IL1RAPL1: variants seen among roughly 807,000 people sequenced by gnomAD.
IL1RAPL1 encodes the protein interleukin-1 receptor accessory protein-like 1.
Under a neutral mutation model 48.4 loss-of-function variants are expected in IL1RAPL1, and 3 were observed. That is an observed-to-expected ratio of 0.06 (90% CI 0.03 to 0.16). The LOEUF is 0.16. Ranked by LOEUF, IL1RAPL1 falls within the 10% of genes least tolerant of loss-of-function variation. The pLI is 1.00. For missense variants in IL1RAPL1, 349 were observed against 530.6 expected, an observed-to-expected ratio of 0.66 and a Z score of 3.36; for synonymous variants, 185 against 187.7, an observed-to-expected ratio of 0.99 and a Z score of 0.12.
intron 3 of IL1RAPL1, among the ~76,000 whole-genome samples, chrX:29,374,505 A>T (rs1010571640): frequency 3.7e-5 from 4 of 109,442 alleles, no homozygotes; most frequent in Non-Finnish European, 7.6e-5. Context: ...GAAGCTGCAG[A>T]GTCTTAATCT....
chrX:29,645,042 C>T (rs1160811111), intron 5 of IL1RAPL1, among the ~76,000 whole-genome samples: 1 of 112,667 alleles, frequency 8.9e-6, no homozygotes, highest in African/African-American at 3.2e-5. Context: ...TATAACTAGA[C>T]AAAAAGAGAA....
chrX:29,248,798 A>G (rs1302301845), intron 2 of IL1RAPL1, among the ~76,000 whole-genome samples: 3 of 112,079 alleles, frequency 2.7e-5, no homozygotes, highest in African/African-American at 9.7e-5. Flanking sequence ...TCTCAAATGT[A>G]TCTTGCAAAT....
chrX:29,884,589 A>G (rs905071249), intron 6 of IL1RAPL1, among the ~76,000 whole-genome samples: 5 of 110,845 alleles, frequency 4.5e-5, no homozygotes, highest in Non-Finnish European at 9.4e-5. Context: ...AGCTCATCCT[A>G]TCTATATGCC....
At chrX:29,032,499 G>C (rs779955197) in intron 2 of IL1RAPL1, among the ~76,000 whole-genome samples, 6 of 110,938 alleles carry the variant, frequency 5.4e-5, no homozygotes, top group Non-Finnish European at 7.6e-5. Context: ...CACCTATTTT[G>C]CCCAGGTCAT....
At chrX:29,379,129 C>T (rs1414298136) in intron 3 of IL1RAPL1, among the ~76,000 whole-genome samples, 1 of 112,457 alleles carries the variant, frequency 8.9e-6, no homozygotes, top group Non-Finnish European at 1.9e-5. Flanking sequence ...ATCCTCTAGA[C>T]GTTCAGGGTT....
At chrX:29,317,101 G>C (rs192827343) in intron 3 of IL1RAPL1, among the ~76,000 whole-genome samples, 277 of 111,431 alleles carry the variant, frequency 2.5e-3, no homozygotes, top group African/African-American at 8.5e-3. Flanking sequence ...CAGGATCAAT[G>C]ATTATGTTTC....
At chrX:29,707,259 A>G (rs1927222368) in intron 6 of IL1RAPL1, among the ~76,000 whole-genome samples, 1 of 111,365 alleles carries the variant, frequency 9.0e-6, no homozygotes, top group East Asian at 2.8e-4. Flanking sequence ...TCCTGCAGGA[A>G]TGTTCATAAA....
At position 28,681,788 on chromosome X, in the gene IL1RAPL1, A is replaced by G. The variant is rs779191822; in HGVS notation, c.-25+93741A>G. Among the ~76,000 whole-genome samples, 4 of 112,224 alleles carry G rather than the reference A, an allele frequency of 3.6e-5. No individual in the cohort carries two copies. The East Asian group carries it at 8.4e-4, about 24-fold the overall frequency. ...AAGGTGAATACCTTAAATGTATACA[A>G]TTTGTTTTTGTCGAGTATCCCTCAA... On this transcript the variant is annotated intron_variant, in intron 1 of 10. Coordinates refer to ENST00000378993, the MANE Select transcript of IL1RAPL1 (RefSeq NM_014271.4).
intron 6 of IL1RAPL1, among the ~76,000 whole-genome samples, chrX:29,872,576 G>C (rs1445764345): frequency 8.9e-6 from 1 of 112,128 alleles, no homozygotes; most frequent in African/African-American, 3.2e-5. Context: ...GCCCAAGGGA[G>C]TTTCCAACAA....
At position 29,558,393 on chromosome X, in the gene IL1RAPL1, T is replaced by A. The variant is rs1922076201; in HGVS notation, c.704-110037T>A. On this transcript the variant is annotated intron_variant, in intron 5 of 10. Transcript: ENST00000378993. Reference sequence around the variant, plus strand: ...TTTAAGTAGGCTTATTTGTTGTTGTTGTTTGCTATTGAGTTGTTTGAGTTC... The same window carrying A: ...TTTAAGTAGGCTTATTTGTTGTTGTAGTTTGCTATTGAGTTGTTTGAGTTC... Among the ~76,000 whole-genome samples the A allele has an allele frequency of 2.7e-5, 3 of 112,102 alleles. No individual in the cohort carries two copies. In the Admixed American group the frequency reaches 2.8e-4, roughly 11 times the overall value.
At chrX:29,714,934 A>C (rs962461337) in intron 6 of IL1RAPL1, among the ~76,000 whole-genome samples, 10 of 111,614 alleles carry the variant, frequency 9.0e-5, no homozygotes, top group Non-Finnish European at 1.7e-4. Flanking sequence ...CATAATCTTC[A>C]ATCTTTCTGT....
chrX:29,884,248 A>C (rs924057585), intron 6 of IL1RAPL1, among the ~76,000 whole-genome samples: 3 of 111,711 alleles, frequency 2.7e-5, no homozygotes, highest in African/African-American at 9.8e-5. Flanking sequence ...GTGATGTATA[A>C]CATGTATCAT....
intron 1 of IL1RAPL1, among the ~76,000 whole-genome samples, chrX:28,609,358 T>C (rs1170950982): frequency 1.8e-5 from 2 of 111,195 alleles, no homozygotes; most frequent in African/African-American, 6.5e-5. Context: ...GTTATTATCA[T>C]TGGTGTTGTT....
At chrX:29,729,742 C>G (rs772879141) in intron 6 of IL1RAPL1, among the ~76,000 whole-genome samples, 110 of 111,180 alleles carry the variant, frequency 9.9e-4, no homozygotes, top group Non-Finnish European at 1.9e-3. Context: ...AACACAGTGA[C>G]TGTATTAATT....
At chrX:28,605,987 T>C (rs1420751117) in intron 1 of IL1RAPL1, among the ~76,000 whole-genome samples, 1 of 111,050 alleles carries the variant, frequency 9.0e-6, no homozygotes, top group Non-Finnish European at 1.9e-5. Context: ...GACCACACCC[T>C]CTAAAATTTC....
intron 1 of IL1RAPL1, among the ~76,000 whole-genome samples, chrX:28,704,815 C>A (rs1935348371): frequency 2.0e-5 from 1 of 48,821 alleles, no homozygotes; most frequent in Non-Finnish European, 3.5e-5. Context: ...CACACACACA[C>A]ACACACACAC....
intron 3 of IL1RAPL1, among the ~76,000 whole-genome samples, chrX:29,332,640 A>T (rs865784758): frequency 1.0e-5 from 1 of 96,023 alleles, no homozygotes; most frequent in Non-Finnish European, 2.0e-5. Context: ...TTATTTATTT[A>T]TTTATTTATT....
At chrX:29,054,130 C>T (rs932349466) in intron 2 of IL1RAPL1, among the ~76,000 whole-genome samples, 1 of 111,198 alleles carries the variant, frequency 9.0e-6, no homozygotes, top group African/African-American at 3.3e-5. Context: ...AATTCAAATT[C>T]TGTGTAACAT....
chrX:29,582,662 C>T (rs369001115), intron 5 of IL1RAPL1, among the ~76,000 whole-genome samples: 5 of 56,042 alleles, frequency 8.9e-5, no homozygotes, highest in African/African-American at 7.1e-5. Context: ...TTTGTTCTTG[C>T]GATAGTTTAC....
Sources: gnomAD v4.1 joint callset for allele counts (sites outside exome capture counted in the v4.1 genomes callset) on GRCh38, gnomAD v4.1.1 for gene constraint, MANE v1.5 for transcripts, NCBI Gene and HGNC (gene_info 2026-07-23, HGNC 2026-07-21) for gene names.